The following COPS7A variants were observed in gnomAD, a reference collection of about 807,000 sequenced individuals.
COPS7A encodes the protein COP9 signalosome subunit 7A.
Under a neutral mutation model 35.2 loss-of-function variants are expected in COPS7A, and 20 were observed. The ratio of observed to expected loss-of-function variants is 0.57; its 90% confidence interval spans 0.40 to 0.83. The LOEUF is 0.83. COPS7A is among the 40% of genes least tolerant of loss of function. The pLI, the probability that COPS7A is intolerant of heterozygous loss-of-function variation, is 0.00. For synonymous variants in COPS7A, 139 were observed against 141.4 expected, an observed-to-expected ratio of 0.98 and a Z score of 0.12; for missense variants, 247 against 347.5, an observed-to-expected ratio of 0.71 and a Z score of 2.30.
Position 6,727,920 on chromosome 12 carries a change from T to A in COPS7A, c.163-6T>A. ...CCCGTCACCTCCTTTTTCCTCATTC[T>A]CGCAGCTGGCTGAGAGTGACTTTGC... On this transcript the variant is annotated splice_region_variant and splice_polypyrimidine_tract_variant and intron_variant, in intron 2 of 7. Coordinates refer to ENST00000543155, the MANE Select transcript of COPS7A (RefSeq NM_001164094.2). The A allele has an allele frequency of 6.2e-7, 1 of 1,614,154 alleles. No individual in the cohort carries two copies. Among genetic ancestry groups the A allele is most frequent in the Non-Finnish European group, 8.5e-7 (1 of 1,180,012 alleles).
Position 6,729,447 on chromosome 12 carries a change from A to G in COPS7A, c.528A>G (p.Glu176=). Residue 176 remains glutamate (E), a splice_region_variant and synonymous_variant, in exon 5 of 8, where the codon GAA becomes GAG. Transcript: ENST00000543155. The surrounding 1 kb of genome is among the most constrained non-coding windows in gnomAD (Gnocchi z 4.2). ...GTGCCATTGCCCGAACCCTGCAGGA[A>G]TGGTGAGAACCGTATCCTGGCACTG... ...DLSAIARTLQ[E]WCVGCEVVLS... 1 of 1,613,316 alleles carries G rather than the reference A, an allele frequency of 6.2e-7. No individual in the cohort carries two copies. Among genetic ancestry groups the G allele is most frequent in the Non-Finnish European group, 8.5e-7 (1 of 1,179,996 alleles).
In COPS7A at chr12:6,731,127, G is replaced by C. The variant is rs1565469593; in HGVS notation, c.*88G>C. 1 of 1,612,230 alleles carries C rather than the reference G, an allele frequency of 6.2e-7. No homozygotes were observed. Among genetic ancestry groups the C allele is most frequent in the Admixed American group, 1.7e-5 (1 of 59,888 alleles). On this transcript the variant is annotated 3_prime_UTR_variant, in exon 8 of 8. Transcript: ENST00000543155. ...CCTCAGAGAGCCTTCTGTGCCCCTG[G>C]CCAGCTGATAATCCTAGGTTCATGA...
At position 6,731,857 on chromosome 12, in the gene COPS7A, A is replaced by G. The variant is rs572696657; in HGVS notation, c.*818A>G. The G allele has an allele frequency of 2.6e-5, 4 of 152,684 alleles. No homozygotes were observed. The highest frequency in any genetic ancestry group is 2.1e-4 in the South Asian group (1 of 4,830). The allele number at this position is 152,684 out of a possible 1,614,324, so 9.5% of individuals were successfully genotyped here. On this transcript the variant is annotated 3_prime_UTR_variant, in exon 8 of 8. Coordinates refer to ENST00000543155, the MANE Select transcript of COPS7A (RefSeq NM_001164094.2). Reference sequence around the variant, plus strand: ...GCAGAAATAAATCTATGAGAAATCTATCTACAAACTACCCTGAACTGGGTA... The same window carrying G: ...GCAGAAATAAATCTATGAGAAATCTGTCTACAAACTACCCTGAACTGGGTA...
chr12:6,728,990 T>C (rs3815408), intron 4 of COPS7A: 365,627 of 483,118 alleles, frequency 0.76, 139,424 homozygotes, highest in South Asian at 0.91. Context: ...CATTTTCTCC[T>C]TCTGTGGTGT....
intron 4 of COPS7A, among the ~76,000 whole-genome samples, chr12:6,728,879 C>T (rs1432919934): frequency 1.3e-5 from 2 of 152,158 alleles, no homozygotes; most frequent in African/African-American, 4.8e-5. Context: ...TAACTCCACA[C>T]CTCTCCCACT....
intron 2 of COPS7A, among the ~76,000 whole-genome samples, chr12:6,726,578 G>A (rs1431342262): frequency 6.7e-6 from 1 of 149,390 alleles, no homozygotes; most frequent in Non-Finnish European, 1.5e-5. Context: ...ATTCCAGCCT[G>A]GGCAACAGAG....
In COPS7A at chr12:6,729,552, C is replaced by A; in HGVS notation, c.530+103C>A. 1.7e-6 allele frequency: 2 copies of A among 1,207,804 alleles called. No homozygotes were observed. Among genetic ancestry groups the A allele is most frequent in the Non-Finnish European group, 2.3e-6 (2 of 863,828 alleles). 74.8% of individuals were successfully genotyped at this position (1,207,804 alleles called of 1,614,324 possible). ...GCTGGGCTGGTCCGCAGAGGTGGAA[C>A]CCAAGAGGATGAAGGGAAATGAGTT... On this transcript the variant is annotated intron_variant, in intron 5 of 7. Coordinates refer to ENST00000543155, the MANE Select transcript of COPS7A (RefSeq NM_001164094.2). The surrounding 1 kb of genome is among the most constrained non-coding windows in gnomAD (Gnocchi z 4.2).
At chr12:6,726,187 G>A (rs546012503) in intron 2 of COPS7A, among the ~76,000 whole-genome samples, 4 of 152,082 alleles carry the variant, frequency 2.6e-5, no homozygotes, top group African/African-American at 7.2e-5. Context: ...GGTGGCGGGC[G>A]CCTGTAGTCC....
Position 6,729,596 on chromosome 12 carries a change from T to C in COPS7A, c.530+147T>C, listed in dbSNP as rs1185944551. On this transcript the variant is annotated intron_variant, in intron 5 of 7. Coordinates refer to ENST00000543155, the MANE Select transcript of COPS7A (RefSeq NM_001164094.2). This position sits in a 1 kb window ranked among gnomAD's most constrained non-coding sequence, Gnocchi z 4.2. ...ATGAGTTCATCCCTCCAAAGGCTTC[T>C]GGGGAATGCAGGAGTAGGGGAGGCC... 1.1e-5 allele frequency: 9 copies of C among 855,428 alleles called. No individual in the cohort carries two copies. The highest frequency in any genetic ancestry group is 1.6e-5 in the Non-Finnish European group (9 of 562,014). The allele number at this position is 855,428 out of a possible 1,614,324, so 53.0% of individuals were successfully genotyped here. A position where few individuals can be genotyped will look rare whatever the true frequency, so the allele number is the denominator to read the frequency against.
At chr12:6,730,197 T>G (rs962345212) in intron 5 of COPS7A, among the ~76,000 whole-genome samples, 2 of 152,166 alleles carry the variant, frequency 1.3e-5, no homozygotes, top group African/African-American at 4.8e-5. Flanking sequence ...TTGTATTTTT[T>G]GTAGAGACGG....
chr12:6,727,930 C>G lies in COPS7A; in HGVS notation c.167C>G (p.Ala56Gly). Residue 56 changes from alanine to glycine, a missense_variant, in exon 3 of 8, where the codon GCT becomes GGT. Transcript: ENST00000543155. ...LLDMPNVREL[A>G]ESDFASTFRL... Reference sequence around the variant, plus strand: ...CCTTTTTCCTCATTCTCGCAGCTGGCTGAGAGTGACTTTGCCTCTACCTTC... The same window carrying G: ...CCTTTTTCCTCATTCTCGCAGCTGGGTGAGAGTGACTTTGCCTCTACCTTC... The G allele has an allele frequency of 1.2e-6, 2 of 1,614,136 alleles. No individual in the cohort carries two copies. Among genetic ancestry groups the G allele is most frequent in the Non-Finnish European group, 1.7e-6 (2 of 1,180,008 alleles).
chr12:6,731,824 A>G lies in COPS7A; in HGVS notation c.*785A>G, dbSNP rs1941403856. The stretch of plus-strand genomic sequence containing the variant: ...GGTATATATGCATATATCTATATAT[A>G]ATATGACGCAGAAATAAATCTATGA... On this transcript the variant is annotated 3_prime_UTR_variant, in exon 8 of 8. Transcript: ENST00000543155. 1 of 152,524 alleles carries G rather than the reference A, an allele frequency of 6.6e-6. No homozygotes were observed. The highest frequency in any genetic ancestry group is 6.6e-5 in the Admixed American group (1 of 15,264). 9.4% of individuals were successfully genotyped at this position (152,524 alleles called of 1,614,324 possible). A position where few individuals can be genotyped will look rare whatever the true frequency, so the allele number is the denominator to read the frequency against.
Position 6,729,032 on chromosome 12 carries a change from G to T in COPS7A, c.328-215G>T. 1.8e-6 allele frequency: 1 copy of T among 567,794 alleles called. No homozygotes were observed. The highest frequency in any genetic ancestry group is 2.0e-5 in the South Asian group (1 of 49,388). The allele number at this position is 567,794 out of a possible 1,614,324, so 35.2% of individuals were successfully genotyped here. ...GGTGAGGGTGTTAGGGGAGCATTTT[G>T]TATTTTATTTAAGATTGTCCTTCTA... On this transcript the variant is annotated intron_variant, in intron 4 of 7. Transcript: ENST00000543155. The surrounding 1 kb of genome is among the most constrained non-coding windows in gnomAD (Gnocchi z 4.2).
chr12:6,724,366 C>A, intron 1 of COPS7A, 187 bp downstream of exon 1: 1 of 518,224 alleles, frequency 1.9e-6, no homozygotes, highest in Non-Finnish European at 3.7e-6. Flanking sequence ...TCCTTTGCAT[C>A]CTGTGTCTTG....
chr12:6,726,789 A>G (rs1403548717), intron 2 of COPS7A, among the ~76,000 whole-genome samples: 1 of 152,064 alleles, frequency 6.6e-6, no homozygotes, highest in African/African-American at 2.4e-5. Context: ...GCACTTATTA[A>G]GTGGCTCTTT....
rs1162958350 is a variant in COPS7A at position 6,729,394 on chromosome 12, G to A, written c.475G>A (p.Gly159Arg). 1 of 1,614,040 alleles carries A rather than the reference G, an allele frequency of 6.2e-7. No homozygotes were observed. The highest frequency in any genetic ancestry group is 8.5e-7 in the Non-Finnish European group (1 of 1,180,018). Residue 159 changes from glycine to arginine, a missense_variant, in exon 5 of 8, where the codon GGG becomes AGG. Physicochemically the swap from Gly to Arg is moderately radical, Grantham distance 125. Coordinates refer to ENST00000543155, the MANE Select transcript of COPS7A (RefSeq NM_001164094.2). The surrounding 1 kb of genome is among the most constrained non-coding windows in gnomAD (Gnocchi z 4.2). ...NQRLEVDYSIGRDIQRQDLSA... is the reference protein window; with the variant it reads ...NQRLEVDYSIRRDIQRQDLSA... ...GCGGCTCGAGGTTGACTACAGCATC[G>A]GGCGGGACATCCAGCGCCAGGACCT...
In COPS7A at chr12:6,731,100, G is replaced by A; in HGVS notation, c.*61G>A. 4.3e-6 allele frequency: 7 copies of A among 1,613,710 alleles called. No homozygotes were observed. The highest frequency in any genetic ancestry group is 5.9e-6 in the Non-Finnish European group (7 of 1,179,760). On this transcript the variant is annotated 3_prime_UTR_variant, in exon 8 of 8. Transcript: ENST00000543155. ...CCAGCTGCCTGCCTGCCTCTTAGGA[G>A]TCCTCAGAGAGCCTTCTGTGCCCCT...
Position 6,731,161 on chromosome 12 carries a change from C to G in COPS7A, c.*122C>G, listed in dbSNP as rs1342249122. ...TAATCCTAGGTTCATGACCCTTCAC[C>G]TCCCCTAACCCCAAACATAGATCAC... On this transcript the variant is annotated 3_prime_UTR_variant, in exon 8 of 8. Transcript: ENST00000543155. The G allele has an allele frequency of 2.5e-6, 4 of 1,589,588 alleles. No individual in the cohort carries two copies.
In COPS7A at chr12:6,729,423, T is replaced by A; in HGVS notation, c.504T>A (p.Ser168Arg). The change falls in exon 5 of 8, where the codon AGT (serine) becomes AGA (arginine). Residue 168 changes from serine to arginine, a missense_variant. Physicochemically the swap from Ser to Arg is moderately radical, Grantham distance 110. Transcript: ENST00000543155. This position sits in a 1 kb window ranked among gnomAD's most constrained non-coding sequence, Gnocchi z 4.2. ...GGGACATCCAGCGCCAGGACCTCAG[T>A]GCCATTGCCCGAACCCTGCAGGAAT... The part of the protein sequence containing the change: ...IGRDIQRQDL[S>R]AIARTLQEWC... 1 of 1,613,994 alleles carries A rather than the reference T, an allele frequency of 6.2e-7. No homozygotes were observed. Among genetic ancestry groups the A allele is most frequent in the Non-Finnish European group, 8.5e-7 (1 of 1,180,026 alleles).
Sources: gnomAD v4.1 joint callset for allele counts (sites outside exome capture counted in the v4.1 genomes callset) on GRCh38, gnomAD v4.1.1 for gene constraint, Gnocchi (gnomAD v3.1) non-coding constraint, MANE v1.5 for transcripts, NCBI Gene and HGNC (gene_info 2026-07-23, HGNC 2026-07-21) for gene names.